The following TANGO6 variants were observed in gnomAD, a reference collection of about 807,000 sequenced individuals.
TANGO6 encodes transport and Golgi organization protein 6 homolog.
A neutral mutation model predicts 114.2 loss-of-function variants in TANGO6; 90 were observed. The observed-to-expected ratio is 0.79, with a 90% CI of 0.66 to 0.94. The LOEUF (loss-of-function observed/expected upper bound fraction) is 0.94. TANGO6 is among the 40% of genes least tolerant of loss of function. TANGO6 has a pLI of 0.00. For synonymous variants in TANGO6, 477 were observed against 509.8 expected, an observed-to-expected ratio of 0.94 and a Z score of 0.87; for missense variants, 1,274 against 1,315.3, an observed-to-expected ratio of 0.97 and a Z score of 0.49.
Position 69,060,139 on chromosome 16 carries a change from C to T in TANGO6, c.3108+19718C>T, listed in dbSNP as rs1286902440. ...AGTTTGTATTAATCCTGTAGGACTC[C>T]GCTACATGTTATACTTTTTATGAAA... On this transcript the variant is annotated intron_variant, in intron 17 of 17. Transcript: ENST00000261778. Among the ~76,000 whole-genome samples the T allele has an allele frequency of 4.6e-5, 7 of 152,098 alleles. 1 individual carries two copies. In the Middle Eastern group the frequency reaches 0.01, roughly 222 times the overall value.
At chr16:68,883,096 C>T (rs1026434610) in intron 7 of TANGO6, among the ~76,000 whole-genome samples, 3 of 152,132 alleles carry the variant, frequency 2.0e-5, no homozygotes, top group Non-Finnish European at 4.4e-5. Context: ...ACTCTGGAGG[C>T]TGGGGCAGAA....
chr16:68,950,893 C>T (rs776282156), intron 14 of TANGO6, among the ~76,000 whole-genome samples: 10 of 151,812 alleles, frequency 6.6e-5, no homozygotes, highest in Non-Finnish European at 1.5e-4. Context: ...TTAAAAATAA[C>T]GTTAAAAACT....
intron 14 of TANGO6, among the ~76,000 whole-genome samples, chr16:68,954,954 TAAG>T (rs1453851908): frequency 6.6e-6 from 1 of 152,194 alleles, no homozygotes; most frequent in African/African-American, 2.4e-5. Context: ...GATTTTATAA[TAAG>T]AAGAGAATGT....
intron 11 of TANGO6, chr16:68,909,646 A>C (rs1263820197): frequency 3.2e-6 from 1 of 309,030 alleles, no homozygotes; most frequent in Non-Finnish European, 5.8e-6. Context: ...ATTTTGTCTT[A>C]AATGTTTATA....
chr16:68,934,538 A>G (rs1963281179), intron 14 of TANGO6, among the ~76,000 whole-genome samples: 1 of 152,194 alleles, frequency 6.6e-6, no homozygotes, highest in Admixed American at 6.5e-5. Context: ...GAGAGAAAGT[A>G]ATTACCTGCA....
At chr16:68,949,212 T>C (rs769965456) in intron 14 of TANGO6, among the ~76,000 whole-genome samples, 3 of 151,926 alleles carry the variant, frequency 2.0e-5, no homozygotes, top group Non-Finnish European at 4.4e-5. Context: ...AAGAAAGAAG[T>C]CAATCCTGGG....
chr16:68,888,117 T>G (rs1306756842), intron 7 of TANGO6, among the ~76,000 whole-genome samples: 2 of 152,158 alleles, frequency 1.3e-5, no homozygotes, highest in African/African-American at 4.8e-5. Flanking sequence ...CCACGTGTAC[T>G]TCATCTGCAT....
intron 15 of TANGO6, among the ~76,000 whole-genome samples, chr16:69,021,493 T>A (rs1346456969): frequency 6.6e-6 from 1 of 152,160 alleles, no homozygotes; most frequent in Non-Finnish European, 1.5e-5. Context: ...TAGTATGTAT[T>A]ACCTTCTAAC....
At chr16:68,964,492 T>A (rs954303365) in intron 14 of TANGO6, among the ~76,000 whole-genome samples, 1 of 151,990 alleles carries the variant, frequency 6.6e-6, no homozygotes, top group Non-Finnish European at 1.5e-5. Flanking sequence ...TAGAGACGAT[T>A]TTGCATCTTG....
At chr16:68,920,555 T>C (rs1360888944) in intron 12 of TANGO6, among the ~76,000 whole-genome samples, 3 of 152,154 alleles carry the variant, frequency 2.0e-5, no homozygotes, top group Non-Finnish European at 4.4e-5. Flanking sequence ...ATAGGCTTAG[T>C]GTGAGTCTTA....
At chr16:68,972,984 T>G in intron 14 of TANGO6, 9 of 321,726 alleles carry the variant, frequency 2.8e-5, no homozygotes, top group East Asian at 1.0e-4. Flanking sequence ...CAAGGGAGAG[T>G]GTTAAAAGAT....
intron 14 of TANGO6, among the ~76,000 whole-genome samples, chr16:68,931,266 C>T (rs1258405890): frequency 1.3e-5 from 2 of 152,126 alleles, no homozygotes; most frequent in Non-Finnish European, 2.9e-5. Flanking sequence ...TCCCTGTGGG[C>T]TTCAATTTTT....
At chr16:68,879,896 G>A (rs192788902) in intron 6 of TANGO6, among the ~76,000 whole-genome samples, 24 of 151,898 alleles carry the variant, frequency 1.6e-4, no homozygotes, top group East Asian at 9.7e-4. Context: ...GATTACAGGC[G>A]TGAGCCACCA....
intron 1 of TANGO6, among the ~76,000 whole-genome samples, chr16:68,853,661 T>G (rs751292040): frequency 6.6e-6 from 1 of 152,196 alleles, no homozygotes; most frequent in East Asian, 1.9e-4. Flanking sequence ...ACAAGTATGT[T>G]AGAGTGGAAT....
chr16:68,846,217 C>T (rs773020369), intron 1 of TANGO6, among the ~76,000 whole-genome samples: 1 of 151,820 alleles, frequency 6.6e-6, no homozygotes, highest in Non-Finnish European at 1.5e-5. Context: ...ATAGAGACGG[C>T]GTTTCACCAT....
chr16:68,890,666 C>T (rs1385221249), intron 7 of TANGO6, among the ~76,000 whole-genome samples: 1 of 152,074 alleles, frequency 6.6e-6, no homozygotes, highest in Non-Finnish European at 1.5e-5. Context: ...GGGCGGATCG[C>T]TTGAGGTCAG....
At chr16:68,890,621 G>A (rs533915385) in intron 7 of TANGO6, among the ~76,000 whole-genome samples, 7 of 152,176 alleles carry the variant, frequency 4.6e-5, no homozygotes, top group East Asian at 3.9e-4. Flanking sequence ...GGTGGCTCAC[G>A]CCTATAATCC....
chr16:68,934,041 ATT>A (rs765471686), intron 14 of TANGO6: 51 of 139,792 alleles, frequency 3.6e-4, no homozygotes, highest in Admixed American at 5.8e-4. Context: ...GAATTCTGGA[ATT>A]TTTTTTTTTT....
chr16:68,865,993 G>A (rs546453240), intron 3 of TANGO6, among the ~76,000 whole-genome samples: 107 of 152,228 alleles, frequency 7.0e-4, no homozygotes, highest in Middle Eastern at 6.8e-3. Flanking sequence ...ACAGAGGCAA[G>A]GGCTGGAATG....
Sources: gnomAD v4.1 joint callset for allele counts (sites outside exome capture counted in the v4.1 genomes callset) on GRCh38, gnomAD v4.1.1 for gene constraint, MANE v1.5 for transcripts, NCBI Gene and HGNC (gene_info 2026-07-23, HGNC 2026-07-21) for gene names.